Variants in XPO5 observed in about 807,000 individuals in gnomAD.
The protein encoded by XPO5 is exportin-5.
In XPO5, 46 loss-of-function variants were observed where a neutral mutation model predicts 160.6. The ratio of observed to expected loss-of-function variants is 0.29; its 90% CI spans 0.23 to 0.37. The LOEUF is 0.37. Ranked by LOEUF, XPO5 falls within the 10% of genes least tolerant of loss-of-function variation. The probability of loss-of-function intolerance (pLI) is 1.00; values close to 1 mark genes in which losing one functional copy is unlikely to be tolerated. For missense variants in XPO5, 1,090 were observed against 1,463.9 expected (o/e 0.74, Z 4.17); for synonymous variants, 537 against 519.3 (o/e 1.03, Z -0.46).
Position 43,530,713 on chromosome 6 carries a change from A to C in XPO5, c.2652T>G (p.Pro884=). The change falls in exon 23 of 32, where the codon CCT becomes CCG. Residue 884 remains proline, a synonymous_variant. Coordinates refer to ENST00000265351, the MANE Select transcript of XPO5 (RefSeq NM_020750.3). The part of the protein sequence containing the change: ...SSAFVNLNNI[P]DYRLRPMLRV... ...GAAGCATGGGTCTGAGTCGGTAGTCAGGAATATTGTTCAAGTTGACAAAGG... is the reference window on the plus strand; with the variant it reads ...GAAGCATGGGTCTGAGTCGGTAGTCCGGAATATTGTTCAAGTTGACAAAGG... 1 of 1,614,008 alleles carries C rather than the reference A, an allele frequency of 6.2e-7. No homozygotes were observed. The highest frequency in any genetic ancestry group is 8.5e-7 in the Non-Finnish European group (1 of 1,179,886).
At position 43,548,386 on chromosome 6, in the gene XPO5, C is replaced by T. The variant is rs367797922; in HGVS notation, c.1935G>A (p.Lys645=). 1.7e-4 allele frequency: 282 copies of T among 1,613,102 alleles called. No individual in the cohort carries two copies. Among genetic ancestry groups the T allele is most frequent in the Non-Finnish European group, 2.3e-4 (272 of 1,179,406 alleles). ...GAACCAGGGCTTCCATGAGGGCACA[C>T]TTCTCCATTTGTGTCAGGAGTAGCT... The part of the protein sequence containing the change: ...SNELLLTQME[K]CALMEALVLI... Residue 645 remains lysine (K), a synonymous_variant, in exon 18 of 32, where the codon AAG becomes AAA. Transcript: ENST00000265351.
In XPO5 at chr6:43,546,639, A is replaced by G; in HGVS notation, c.2274T>C (p.Asn758=). Residue 758 remains asparagine (N), a synonymous_variant, in exon 20 of 32, where the codon AAT becomes AAC. Coordinates refer to ENST00000265351, the MANE Select transcript of XPO5 (RefSeq NM_020750.3). ...GFVVGYTSSG[N]PIFRNPCTEQ... ...CTGTGCAGGGGTTACGGAAGATTGG[A>G]TTTCCACTGGATGTATAACCCACCA... 2.5e-6 allele frequency: 4 copies of G among 1,613,940 alleles called. No individual in the cohort carries two copies. The highest frequency in any genetic ancestry group is 3.4e-6 in the Non-Finnish European group (4 of 1,179,882).
intron 29 of XPO5, 61 bp from the exon 30 acceptor site, chr6:43,525,029 G>T (rs762102119): frequency 6.3e-7 from 1 of 1,591,784 alleles, no homozygotes; most frequent in Non-Finnish European, 8.6e-7. Flanking sequence ...CAGCACCCCA[G>T]TTCTTCTGAA....
intron 25 of XPO5, 120 bp from the exon 26 acceptor site, chr6:43,527,851 CA>C (rs1177432475): frequency 9.4e-7 from 1 of 1,068,328 alleles, no homozygotes; most frequent in Non-Finnish European, 1.4e-6. Context: ...TCGTTTTATG[CA>C]AAAGTTGGGA....
In XPO5 at chr6:43,575,849, C is replaced by T; in HGVS notation, c.16G>A (p.Val6Ile). 1 of 1,613,798 alleles carries T rather than the reference C, an allele frequency of 6.2e-7. No homozygotes were observed. The highest frequency in any genetic ancestry group is 1.1e-5 in the South Asian group (1 of 91,084). ...ACCAGCTGCTCGCACAGCGCGTTTACTTGATCCATCGCCATGCCTAGCGCC... is the reference window on the plus strand; with the variant it reads ...ACCAGCTGCTCGCACAGCGCGTTTATTTGATCCATCGCCATGCCTAGCGCC... MAMDQ[V>I]NALCEQLVKA... Residue 6 changes from valine (V) to isoleucine (I), a missense_variant, in exon 1 of 32, where the codon GTA becomes ATA. Transcript: ENST00000265351.
At chr6:43,566,704 G>T in intron 7 of XPO5, 1 of 320,792 alleles carries the variant, frequency 3.1e-6, no homozygotes, top group South Asian at 2.4e-5. Context: ...TAGCTACTCG[G>T]GAAGCTGAGG....
At chr6:43,539,750 T>C in intron 20 of XPO5, 8 of 603,334 alleles carry the variant, frequency 1.3e-5, no homozygotes, top group South Asian at 1.0e-4. Flanking sequence ...TTCTTGGGAA[T>C]AGTTTGTCTA....
chr6:43,575,806 A>G lies in XPO5; in HGVS notation c.59T>C (p.Met20Thr), dbSNP rs371106919. ...CEQLVKAVTV[M>T]MDPNSTQRYR... ...GCGCTGGGTGGAGTTGGGGTCCATC[A>G]TGACCGTCACCGCTTTCACCAGCTG... is the stretch of plus-strand genomic sequence containing the variant. The change falls in exon 1 of 32, where the codon ATG (methionine) becomes ACG (threonine). Residue 20 changes from methionine (M) to threonine (T), a missense_variant. Met to Thr is a moderately conservative substitution (Grantham distance 81). This residue lies in a region of XPO5 where 170 missense variants were observed against 227.0 expected (regional missense o/e 0.75). Transcript: ENST00000265351. 5.6e-6 allele frequency: 9 copies of G among 1,613,678 alleles called. No individual in the cohort carries two copies. Among genetic ancestry groups the G allele is most frequent in the Non-Finnish European group, 5.9e-6 (7 of 1,179,770 alleles).
At chr6:43,549,629 G>A in intron 16 of XPO5, 51 bp from the exon 17 acceptor site, 2 of 1,580,864 alleles carry the variant, frequency 1.3e-6, no homozygotes, top group South Asian at 1.1e-5. Flanking sequence ...ATAATATACA[G>A]GTGCTGCATA....
At position 43,531,561 on chromosome 6, in the gene XPO5, G is replaced by A. The variant is rs576734931; in HGVS notation, c.2458C>T (p.Leu820Phe). The A allele has an allele frequency of 2.5e-6, 4 of 1,613,902 alleles. No homozygotes were observed. In the South Asian group the frequency reaches 3.3e-5, roughly 13 times the overall value. ...KSAILGLPQPLLELNDSPVFK... is the reference protein window; with the variant it reads ...KSAILGLPQPFLELNDSPVFK... ...ACAGGAGAGTCATTGAGTTCCAAGAGAGGTTGAGGTAATCCTACAGGGAAA... is the reference window on the plus strand; with the variant it reads ...ACAGGAGAGTCATTGAGTTCCAAGAAAGGTTGAGGTAATCCTACAGGGAAA... The change falls in exon 22 of 32, where the codon CTC becomes TTC. Residue 820 changes from leucine (L) to phenylalanine (F), a missense_variant. By Grantham distance (22) the Leu-to-Phe change is conservative (BLOSUM62 0). Around this residue, in one of 3 missense-constraint regions of XPO5, gnomAD observed 810 missense variants for 1,139.0 expected, o/e 0.71. Coordinates refer to ENST00000265351, the MANE Select transcript of XPO5 (RefSeq NM_020750.3).
At chr6:43,534,280 A>T (rs1385269803) in intron 20 of XPO5, among the ~76,000 whole-genome samples, 2 of 152,264 alleles carry the variant, frequency 1.3e-5, no homozygotes, top group Non-Finnish European at 2.9e-5. Context: ...AAAGCTAGAA[A>T]GCAAAATTCT....
chr6:43,533,257 CACACACGAG>C (rs1794111473), intron 21 of XPO5: 1 of 149,668 alleles, frequency 6.7e-6, no homozygotes, highest in East Asian at 1.9e-4. Context: ...CACACACACA[CACACACGAG>C]GAGGCAGGAA....
At chr6:43,557,780 C>A (rs1246074835) in intron 12 of XPO5, among the ~76,000 whole-genome samples, 1 of 86,594 alleles carries the variant, frequency 1.2e-5, no homozygotes, top group Admixed American at 1.6e-4. Context: ...CTCAATAAAG[C>A]TGTAAAAAAA....
intron 18 of XPO5, among the ~76,000 whole-genome samples, chr6:43,547,960 C>T (rs557429962): frequency 6.6e-6 from 1 of 152,292 alleles, no homozygotes; most frequent in African/African-American, 2.4e-5. Flanking sequence ...AATTTCTCTA[C>T]TGTGTGAGCA....
chr6:43,537,536 T>C lies in XPO5; in HGVS notation c.2343-3529A>G, dbSNP rs1794414047. Among the ~76,000 whole-genome samples, 20 of 152,290 alleles carry C rather than the reference T, an allele frequency of 1.3e-4. 1 individual carries two copies. In the South Asian group the frequency reaches 4.1e-3, roughly 32 times the overall value. On this transcript the variant is annotated intron_variant, in intron 20 of 31. Transcript: ENST00000265351. ...CGCAATAGCAGCCATAAACAGTAGG[T>C]AAATGAATGGCCAAGGTATGTTCCA...
Position 43,523,662 on chromosome 6 carries a change from A to C in XPO5, c.*206T>G. ...CTGGGACATCTAGACAGAATAGTTT[A>C]AGCCCTAACTCCCTTTCTTGATACT... On this transcript the variant is annotated 3_prime_UTR_variant, in exon 32 of 32. Coordinates refer to ENST00000265351, the MANE Select transcript of XPO5 (RefSeq NM_020750.3). 1.2e-6 allele frequency: 1 copy of C among 851,384 alleles called. No individual in the cohort carries two copies. The highest frequency in any genetic ancestry group is 2.0e-6 in the Non-Finnish European group (1 of 488,890). 52.7% of individuals were successfully genotyped at this position (851,384 alleles called of 1,614,324 possible). A position where few individuals can be genotyped will look rare whatever the true frequency, so the allele number is the denominator to read the frequency against.
intron 27 of XPO5, 135 bp downstream of exon 27, chr6:43,526,550 A>T: frequency 1.0e-6 from 1 of 958,690 alleles, no homozygotes; most frequent in South Asian, 1.5e-5. Context: ...ACACAGCAAG[A>T]GGGCTGGTCC....
chr6:43,565,028 C>T (rs1762627456), intron 8 of XPO5, among the ~76,000 whole-genome samples: 1 of 151,352 alleles, frequency 6.6e-6, no homozygotes, highest in South Asian at 2.1e-4. Flanking sequence ...GTTCAAGATA[C>T]TCTCCTGCCT....
At chr6:43,553,530 C>T (rs1297940719) in intron 13 of XPO5, 27 bp from the exon 14 acceptor site, 3 of 1,321,154 alleles carry the variant, frequency 2.3e-6, no homozygotes, top group Non-Finnish European at 3.1e-6. Flanking sequence ...CACACATACA[C>T]ACACACACAC....
Sources: gnomAD v4.1 joint callset for allele counts (sites outside exome capture counted in the v4.1 genomes callset) on GRCh38, gnomAD v4.1.1 for gene constraint, gnomAD v4.1.1 regional missense constraint, MANE v1.5 for transcripts, NCBI Gene and HGNC (gene_info 2026-07-23, HGNC 2026-07-21) for gene names.